The following DPYD variants were observed in gnomAD, a reference collection of about 807,000 sequenced individuals.
DPYD encodes the protein dihydropyrimidine dehydrogenase [NADP(+)].
DPYD carries 109 observed loss-of-function variants against 116.2 expected under a neutral mutation model. The ratio of observed to expected loss-of-function variants is 0.94; its 90% CI spans 0.80 to 1.10. The LOEUF (loss-of-function observed/expected upper bound fraction) is 1.10. Ranked by LOEUF, DPYD falls within the 50% of genes least tolerant of loss-of-function variation. The pLI is 0.00. For synonymous variants in DPYD, 440 were observed against 432.0 expected (o/e 1.02, Z -0.23); for missense variants, 1,302 against 1,254.5 (o/e 1.04, Z -0.57).
chr1:97,177,269 T>C (rs2101790005), intron 20 of DPYD, among the ~76,000 whole-genome samples: 1 of 152,260 alleles, frequency 6.6e-6, no homozygotes, highest in Non-Finnish European at 1.5e-5. Flanking sequence ...GAGAAAAATG[T>C]GTTTAAAAGT....
chr1:97,251,158 AG>A (rs1468626008), intron 18 of DPYD, among the ~76,000 whole-genome samples: 12 of 152,086 alleles, frequency 7.9e-5, no homozygotes, highest in African/African-American at 2.9e-4. Context: ...GCACTTGGGG[AG>A]GCCAAGGCAG....
intron 5 of DPYD, among the ~76,000 whole-genome samples, chr1:97,714,478 G>C (rs1413133917): frequency 6.6e-6 from 1 of 151,808 alleles, no homozygotes; most frequent in Non-Finnish European, 1.5e-5. Flanking sequence ...CAAAATGCTA[G>C]GATTAAAGGC....
At chr1:97,266,731 C>T (rs538334676) in intron 18 of DPYD, among the ~76,000 whole-genome samples, 1 of 152,138 alleles carries the variant, frequency 6.6e-6, no homozygotes, top group Admixed American at 6.5e-5. Context: ...GCCCTGTGTC[C>T]AAGTGTTCTC....
rs998279838 is a variant in DPYD, at chr1:97,160,779, T to G, written c.2622+32290A>C. 2.0e-5 allele frequency among the ~76,000 whole-genome samples: 3 copies of G among 152,156 alleles called. No individual in the cohort carries two copies. The East Asian group carries it at 5.8e-4, about 29-fold the overall frequency. On this transcript the variant is annotated intron_variant, in intron 20 of 22. Transcript: ENST00000370192. ...AGACTGTACTATGACTGGGATTCCA[T>G]AATGTGATATCTGAATAAAAGCCTT... is the stretch of plus-strand genomic sequence containing the variant.
intron 3 of DPYD, among the ~76,000 whole-genome samples, chr1:97,749,890 T>C (rs546830570): frequency 6.6e-6 from 1 of 152,288 alleles, no homozygotes; most frequent in East Asian, 1.9e-4. Flanking sequence ...ATAGCTTTTC[T>C]ATTGCACTGT....
chr1:97,118,841 G>A (rs1652194080), intron 20 of DPYD, among the ~76,000 whole-genome samples: 1 of 147,068 alleles, frequency 6.8e-6, no homozygotes, highest in Non-Finnish European at 1.5e-5. Context: ...TTGTTTGTTT[G>A]TCTTTAATAA....
intron 2 of DPYD, among the ~76,000 whole-genome samples, chr1:97,848,527 T>C (rs937274845): frequency 7.2e-5 from 11 of 152,234 alleles, no homozygotes; most frequent in Non-Finnish European, 1.6e-4. Flanking sequence ...AGTTGGACTG[T>C]GAAATGCAAT....
chr1:97,153,463 T>A (rs1655183561), intron 20 of DPYD, among the ~76,000 whole-genome samples: 1 of 152,080 alleles, frequency 6.6e-6, no homozygotes, highest in South Asian at 2.1e-4. Context: ...AGAAGGAAAC[T>A]GGATCTTCAT....
intron 20 of DPYD, among the ~76,000 whole-genome samples, chr1:97,173,516 A>T (rs1453475265): frequency 6.6e-6 from 1 of 150,652 alleles, no homozygotes; most frequent in African/African-American, 2.5e-5. Context: ...CACACACAAA[A>T]GGTATATACA....
chr1:97,452,401 C>T (rs1008281084), intron 13 of DPYD, among the ~76,000 whole-genome samples: 9 of 152,126 alleles, frequency 5.9e-5, no homozygotes, highest in African/African-American at 2.2e-4. Context: ...AAATAAAGTA[C>T]TGTATCTTCA....
At chr1:97,684,904 T>G (rs575859718) in intron 7 of DPYD, among the ~76,000 whole-genome samples, 3 of 152,282 alleles carry the variant, frequency 2.0e-5, no homozygotes, top group South Asian at 4.1e-4. Flanking sequence ...ACAGCTGAAT[T>G]CTACCAGAAT....
At chr1:97,576,067 A>G (rs920916206) in intron 10 of DPYD, among the ~76,000 whole-genome samples, 3 of 152,212 alleles carry the variant, frequency 2.0e-5, no homozygotes, top group African/African-American at 7.2e-5. Context: ...ATAAAAATGT[A>G]TGATTTCTGG....
At chr1:97,757,594 C>T (rs555413496) in intron 3 of DPYD, among the ~76,000 whole-genome samples, 4 of 152,124 alleles carry the variant, frequency 2.6e-5, no homozygotes, top group Non-Finnish European at 5.9e-5. Flanking sequence ...ATATGCGTTC[C>T]TATCTTGAAA....
At chr1:97,224,299 T>A (rs938068676) in intron 19 of DPYD, among the ~76,000 whole-genome samples, 7 of 152,060 alleles carry the variant, frequency 4.6e-5, no homozygotes, top group African/African-American at 1.7e-4. Flanking sequence ...AAAGTTGTAC[T>A]AGGAAAATGA....
chr1:97,134,064 TATA>T (rs1653596830), intron 20 of DPYD, among the ~76,000 whole-genome samples: 1 of 117,302 alleles, frequency 8.5e-6, no homozygotes, highest in Non-Finnish European at 1.7e-5. Context: ...TATATATATA[TATA>T]TTCTAATTAT....
chr1:97,097,501 A>T (rs1481740332), intron 21 of DPYD, among the ~76,000 whole-genome samples: 1 of 152,186 alleles, frequency 6.6e-6, no homozygotes, highest in Non-Finnish European at 1.5e-5. Flanking sequence ...AATGAATTTC[A>T]GTAACTGCAA....
intron 22 of DPYD, among the ~76,000 whole-genome samples, chr1:97,079,711 C>T (rs1002642141): frequency 7.2e-5 from 11 of 152,106 alleles, no homozygotes; most frequent in Non-Finnish European, 5.9e-5. Context: ...TTGTCCACCA[C>T]GAAGGGGAAA....
chr1:97,346,377 C>T (rs1402500395), intron 16 of DPYD, among the ~76,000 whole-genome samples: 1 of 151,760 alleles, frequency 6.6e-6, no homozygotes, highest in African/African-American at 2.4e-5. Flanking sequence ...TTGTCTTCCG[C>T]TTCTGAATTT....
chr1:97,468,761 A>C (rs890146624), intron 13 of DPYD, among the ~76,000 whole-genome samples: 3 of 152,194 alleles, frequency 2.0e-5, no homozygotes, highest in African/African-American at 7.2e-5. Flanking sequence ...AGTAGATTAA[A>C]GAGGAAGACC....
Sources: gnomAD v4.1 joint callset for allele counts (sites outside exome capture counted in the v4.1 genomes callset) on GRCh38, gnomAD v4.1.1 for gene constraint, MANE v1.5 for transcripts, NCBI Gene and HGNC (gene_info 2026-07-23, HGNC 2026-07-21) for gene names.